PTPRT: variants seen among roughly 807,000 people sequenced by gnomAD.
The protein encoded by PTPRT is receptor-type tyrosine-protein phosphatase T.
In PTPRT, 56 loss-of-function variants were observed where a neutral mutation model predicts 176.8. The ratio of observed to expected loss-of-function variants is 0.32; its 90% CI spans 0.26 to 0.40. The LOEUF (loss-of-function observed/expected upper bound fraction) is 0.40. Ranked by LOEUF, PTPRT falls within the 10% of genes least tolerant of loss-of-function variation. The probability of loss-of-function intolerance (pLI) is 1.00; values close to 1 mark genes in which losing one functional copy is unlikely to be tolerated. For missense variants in PTPRT, 1,540 were observed against 1,908.2 expected (o/e 0.81, Z 3.60); for synonymous variants, 783 against 739.0 (o/e 1.06, Z -0.96).
intron 9 of PTPRT, among the ~76,000 whole-genome samples, chr20:42,445,715 C>A (rs2059356277): frequency 6.6e-6 from 1 of 152,212 alleles, no homozygotes; most frequent in East Asian, 1.9e-4. Flanking sequence ...AGCGAAGAAG[C>A]TACCTGAAGA....
chr20:42,068,394 T>C (rs1982168934), downstream of PTPRT, among the ~76,000 whole-genome samples: 1 of 152,230 alleles, frequency 6.6e-6, no homozygotes, highest in African/African-American at 2.4e-5. Context: ...CAGTTTTGTA[T>C]GCCAACAAGG....
At chr20:42,749,214 A>G (rs1448947234) in intron 6 of PTPRT, among the ~76,000 whole-genome samples, 1 of 152,104 alleles carries the variant, frequency 6.6e-6, no homozygotes, top group Non-Finnish European at 1.5e-5. Flanking sequence ...CTACTACAGG[A>G]TGAAGCCCAG....
Position 42,720,793 on chromosome 20 carries a change from G to T in PTPRT, c.859+35669C>A, listed in dbSNP as rs138721225. 9.1e-4 allele frequency among the ~76,000 whole-genome samples: 138 copies of T among 152,286 alleles called. 2 individuals are homozygous for T. The East Asian group carries it at 0.025, about 28-fold the overall frequency. On this transcript the variant is annotated intron_variant, in intron 6 of 30. Coordinates refer to ENST00000373187, the MANE Select transcript of PTPRT (RefSeq NM_007050.6). ...GTTTTCAAGATATTTTGTCAGAATT[G>T]CTTGTCATAGAGGCATAGAATAATG...
At chr20:42,045,753 A>C in the PTPRT span, among the ~76,000 whole-genome samples, 1 of 152,172 alleles carries the variant, frequency 6.6e-6, no homozygotes, top group Non-Finnish European at 1.5e-5. Flanking sequence ...TAGTAAAGCC[A>C]GGATTCATAC....
intron 1 of PTPRT, among the ~76,000 whole-genome samples, chr20:43,044,558 T>C (rs1053964822): frequency 6.6e-6 from 1 of 152,202 alleles, no homozygotes; most frequent in Non-Finnish European, 1.5e-5. Flanking sequence ...CCAACACAGA[T>C]GGCATGGATT....
At chr20:42,071,991 G>T (rs754323273), downstream of PTPRT, among the ~76,000 whole-genome samples, 2 of 152,074 alleles carry the variant, frequency 1.3e-5, no homozygotes, top group African/African-American at 4.8e-5. Flanking sequence ...TGAGAGGAGG[G>T]GTCTATGTCA....
At chr20:43,142,138 T>G (rs780406676) in intron 1 of PTPRT, among the ~76,000 whole-genome samples, 8 of 152,210 alleles carry the variant, frequency 5.3e-5, no homozygotes, top group Non-Finnish European at 1.0e-4. Flanking sequence ...TCATCCTATA[T>G]GCCCATGCCC....
At chr20:42,721,705 G>A (rs1048206255) in intron 6 of PTPRT, among the ~76,000 whole-genome samples, 2 of 152,214 alleles carry the variant, frequency 1.3e-5, no homozygotes, top group Non-Finnish European at 1.5e-5. Context: ...TTCCTATCAT[G>A]AGCCAGTTTC....
the PTPRT span, among the ~76,000 whole-genome samples, chr20:42,062,765 C>G: frequency 3.9e-5 from 6 of 152,164 alleles, no homozygotes; most frequent in Admixed American, 3.3e-4. Flanking sequence ...AATTTTCTCT[C>G]TTTGGTTGAT....
At chr20:43,165,493 T>C (rs1472765199) in intron 1 of PTPRT, among the ~76,000 whole-genome samples, 1 of 152,112 alleles carries the variant, frequency 6.6e-6, no homozygotes, top group Non-Finnish European at 1.5e-5. Flanking sequence ...CCTACTGCCA[T>C]GTAAGATGTG....
chr20:42,849,850 A>G (rs1023198407), intron 2 of PTPRT, among the ~76,000 whole-genome samples: 2 of 152,172 alleles, frequency 1.3e-5, no homozygotes, highest in Non-Finnish European at 2.9e-5. Flanking sequence ...AGGTCTCCAG[A>G]TGCCTATGTC....
intron 6 of PTPRT, among the ~76,000 whole-genome samples, chr20:42,715,354 T>G (rs2076207472): frequency 6.6e-6 from 1 of 152,174 alleles, no homozygotes; most frequent in Non-Finnish European, 1.5e-5. Flanking sequence ...GATGTTAGAA[T>G]TTGCAGATGA....
At chr20:43,145,869 C>A (rs1387962393) in intron 1 of PTPRT, among the ~76,000 whole-genome samples, 1 of 152,226 alleles carries the variant, frequency 6.6e-6, no homozygotes, top group African/African-American at 2.4e-5. Context: ...GAATTAAAAT[C>A]ATAGTCTTTT....
chr20:42,111,737 C>A (rs1276875851), intron 22 of PTPRT, among the ~76,000 whole-genome samples: 1 of 152,214 alleles, frequency 6.6e-6, no homozygotes, highest in East Asian at 1.9e-4. Context: ...TTAAGTGACA[C>A]ACCCAAGGTC....
At position 42,791,372 on chromosome 20, in the gene PTPRT, G is replaced by C. The variant is rs985854451; in HGVS notation, c.309C>G (p.Ile103Met). 2 of 1,614,210 alleles carry C rather than the reference G, an allele frequency of 1.2e-6. No individual in the cohort carries two copies. Among genetic ancestry groups the C allele is most frequent in the Non-Finnish European group, 1.7e-6 (2 of 1,180,042 alleles). ...GGCTGGAGAAGTAGTAATGGAAGTC[G>C]ATGCAGTGGGTGTCATTCTCCTTCA... Reference protein sequence around the residue: ...PTLKENDTHCIDFHYYFSSRD... With the variant: ...PTLKENDTHCMDFHYYFSSRD... Residue 103 changes from isoleucine (I) to methionine (M), a missense_variant, in exon 3 of 31, where the codon ATC (isoleucine) becomes ATG (methionine). Ile to Met is a conservative substitution (Grantham distance 10). Around this residue, in one of 11 missense-constraint regions of PTPRT, gnomAD observed 273 missense variants for 432.1 expected, o/e 0.63. Coordinates refer to ENST00000373187, the MANE Select transcript of PTPRT (RefSeq NM_007050.6).
intron 2 of PTPRT, among the ~76,000 whole-genome samples, chr20:42,805,322 T>C (rs1031755738): frequency 2.0e-5 from 3 of 152,202 alleles, no homozygotes; most frequent in African/African-American, 7.2e-5. Flanking sequence ...AGTAAATTTT[T>C]CCTGAAGAAG....
intron 18 of PTPRT, among the ~76,000 whole-genome samples, chr20:42,141,672 T>A (rs1002999035): frequency 6.6e-5 from 10 of 152,170 alleles, no homozygotes; most frequent in African/African-American, 2.4e-4. Flanking sequence ...AGAGGCTTCA[T>A]GGTTCTGCTC....
At chr20:42,536,998 T>G (rs1245538581) in intron 7 of PTPRT, among the ~76,000 whole-genome samples, 1 of 152,170 alleles carries the variant, frequency 6.6e-6, no homozygotes, top group Non-Finnish European at 1.5e-5. Context: ...ATATATCTCT[T>G]GTGTGAAAGA....
intron 6 of PTPRT, among the ~76,000 whole-genome samples, chr20:42,736,384 C>T (rs1032592295): frequency 4.6e-5 from 7 of 152,166 alleles, no homozygotes; most frequent in Admixed American, 4.6e-4. Flanking sequence ...GGGCTTTGTC[C>T]ACCTTTGCAA....
Sources: gnomAD v4.1 joint callset for allele counts (sites outside exome capture counted in the v4.1 genomes callset) on GRCh38, gnomAD v4.1.1 for gene constraint, gnomAD v4.1.1 regional missense constraint, MANE v1.5 for transcripts, NCBI Gene and HGNC (gene_info 2026-07-23, HGNC 2026-07-21) for gene names.